Variants in LHFPL3 observed in about 807,000 individuals in gnomAD.
LHFPL3 encodes LHFPL tetraspan subfamily member 3 protein.
LHFPL3 carries 5 observed loss-of-function variants against 19.3 expected under a neutral mutation model. That is an observed-to-expected ratio of 0.26 (90% CI 0.14 to 0.54). The LOEUF is 0.54. Among genes scored for constraint, LHFPL3 ranks in the 20% least tolerant of loss-of-function variants. LHFPL3 has a pLI of 0.94. For synonymous variants in LHFPL3, 133 were observed against 126.2 expected (o/e 1.05, Z -0.36); for missense variants, 249 against 307.4 (o/e 0.81, Z 1.42).
intron 1 of LHFPL3, among the ~76,000 whole-genome samples, chr7:104,578,395 C>G (rs1034530535): frequency 1.3e-5 from 2 of 152,224 alleles, no homozygotes; most frequent in Admixed American, 6.5e-5. Flanking sequence ...TACATCCATA[C>G]TTCCCCTCTC....
At chr7:104,538,380 C>A (rs1295349877) in intron 1 of LHFPL3, among the ~76,000 whole-genome samples, 1 of 152,060 alleles carries the variant, frequency 6.6e-6, no homozygotes, top group Non-Finnish European at 1.5e-5. Context: ...AAGCTAGAGC[C>A]CAATATAGAA....
In LHFPL3 at chr7:104,854,674, A is replaced by C. The variant is rs574403452; in HGVS notation, c.683-51513A>C. On this transcript the variant is annotated intron_variant, in intron 2 of 2. Coordinates refer to ENST00000424859, the MANE Select transcript of LHFPL3 (RefSeq NM_199000.3). ...TTTATCACCTTCCGGTCTGAAGTCT[A>C]GCACCTCAAATGACAATTAATAAGC... 2.0e-4 allele frequency among the ~76,000 whole-genome samples: 30 copies of C among 152,366 alleles called. 3 individuals carry two copies. The highest frequency in any genetic ancestry group is 7.2e-4 in the African/African-American group (30 of 41,592).
chr7:104,824,434 A>C (rs1159010424), intron 2 of LHFPL3, among the ~76,000 whole-genome samples: 1 of 57,110 alleles, frequency 1.8e-5, no homozygotes, highest in African/African-American at 7.3e-5. Context: ...AATATATATA[A>C]TTATAGATAA....
At chr7:104,903,673 C>A (rs897058087) in intron 2 of LHFPL3, among the ~76,000 whole-genome samples, 1 of 152,100 alleles carries the variant, frequency 6.6e-6, no homozygotes, top group African/African-American at 2.4e-5. Flanking sequence ...GCCATATTGA[C>A]CAGGCTGGTC....
chr7:104,410,183 A>C (rs1460567497), intron 1 of LHFPL3, among the ~76,000 whole-genome samples: 1 of 152,106 alleles, frequency 6.6e-6, no homozygotes, highest in African/African-American at 2.4e-5. Flanking sequence ...CCCAGGCTGG[A>C]GTGCAATGGT....
chr7:104,755,667 G>T (rs967499659), intron 2 of LHFPL3, among the ~76,000 whole-genome samples: 1 of 151,700 alleles, frequency 6.6e-6, no homozygotes, highest in African/African-American at 2.4e-5. Context: ...TAGTTTTTTG[G>T]TGTTTGTTTG....
At chr7:104,604,134 G>A (rs1791041733) in intron 1 of LHFPL3, among the ~76,000 whole-genome samples, 1 of 152,176 alleles carries the variant, frequency 6.6e-6, no homozygotes, top group Non-Finnish European at 1.5e-5. Flanking sequence ...TTGAAATCTA[G>A]GTGGAGACCG....
At chr7:104,329,545 C>G (rs1801531605) in intron 1 of LHFPL3, among the ~76,000 whole-genome samples, 1 of 152,200 alleles carries the variant, frequency 6.6e-6, no homozygotes, top group African/African-American at 2.4e-5. Flanking sequence ...GAGAAGTGGC[C>G]GCTTAGAGAG....
Position 104,399,290 on chromosome 7 carries a change from T to C in LHFPL3, c.445+70066T>C, listed in dbSNP as rs1791261179. Among the ~76,000 whole-genome samples the C allele has an allele frequency of 6.6e-6, 1 of 152,108 alleles. No individual in the cohort carries two copies. Among genetic ancestry groups the C allele is most frequent in the Non-Finnish European group, 1.5e-5 (1 of 68,010 alleles). On this transcript the variant is annotated intron_variant, in intron 1 of 2. Transcript: ENST00000424859. The surrounding 1 kb of genome is among the most constrained non-coding windows in gnomAD (Gnocchi z 4.4). Reference sequence around the variant, plus strand: ...TAAGCATCTAGAATTACAATGAATATGGGTGTTTGGGGCAGTTTTACTTTC... The same window carrying C: ...TAAGCATCTAGAATTACAATGAATACGGGTGTTTGGGGCAGTTTTACTTTC...
Position 104,539,061 on chromosome 7 carries a change from C to A in LHFPL3, c.446-197614C>A, listed in dbSNP as rs536017392. 4.6e-5 allele frequency among the ~76,000 whole-genome samples: 7 copies of A among 152,278 alleles called. No homozygotes were observed. The East Asian group carries it at 7.7e-4, about 17-fold the overall frequency. ...CTCTACAAGCTAGGAGAGTAAAAAA[C>A]CAGATTTTCCCCTAGAGCCTCCAAA... On this transcript the variant is annotated intron_variant, in intron 1 of 2. Coordinates refer to ENST00000424859, the MANE Select transcript of LHFPL3 (RefSeq NM_199000.3).
intron 1 of LHFPL3, among the ~76,000 whole-genome samples, chr7:104,643,128 T>C: frequency 6.6e-6 from 1 of 152,242 alleles, no homozygotes; most frequent in East Asian, 1.9e-4. Flanking sequence ...CGGATAAAAT[T>C]GGATCCACCA....
chr7:104,549,938 C>G (rs1002001770), intron 1 of LHFPL3, among the ~76,000 whole-genome samples: 3 of 152,070 alleles, frequency 2.0e-5, no homozygotes, highest in African/African-American at 7.2e-5. Flanking sequence ...AGTCAGGGCT[C>G]TCTAGAGGAA....
intron 2 of LHFPL3, among the ~76,000 whole-genome samples, chr7:104,788,803 T>G (rs1230793954): frequency 6.6e-6 from 1 of 152,216 alleles, no homozygotes; most frequent in African/African-American, 2.4e-5. Context: ...ACTTCTTCAG[T>G]CTTTCTTTTC....
chr7:104,652,669 G>A (rs1384921523), intron 1 of LHFPL3, among the ~76,000 whole-genome samples: 1 of 152,178 alleles, frequency 6.6e-6, no homozygotes, highest in East Asian at 1.9e-4. Flanking sequence ...AGATTGAGGA[G>A]GAGGCTTGGA....
chr7:104,575,559 T>TAAAAAAAAAAAAA (rs58118006), intron 1 of LHFPL3, among the ~76,000 whole-genome samples: 40 of 36,148 alleles, frequency 1.1e-3, no homozygotes, highest in African/African-American at 1.9e-3. Flanking sequence ...CAAAGAGATC[T>TAAAAAAAAAAAAA]AAAAAAAAAA....
chr7:104,448,590 TGGAA>T (rs1319628867), intron 1 of LHFPL3, among the ~76,000 whole-genome samples: 1 of 152,230 alleles, frequency 6.6e-6, no homozygotes, highest in African/African-American at 2.4e-5. Flanking sequence ...ATGAGTATTT[TGGAA>T]CCTCTTTTTG....
chr7:104,537,852 T>C (rs533303106), intron 1 of LHFPL3, among the ~76,000 whole-genome samples: 17 of 152,314 alleles, frequency 1.1e-4, no homozygotes, highest in African/African-American at 3.8e-4. Flanking sequence ...AAATAACTTA[T>C]ATACAGTCCT....
chr7:104,855,464 T>C lies in LHFPL3; in HGVS notation c.683-50723T>C, dbSNP rs901876802. Reference sequence around the variant, plus strand: ...CTCTTGGATTTTGAATTATGTATAATGGTGTTGCAGAATATTTCTTCCTTT... The same window carrying C: ...CTCTTGGATTTTGAATTATGTATAACGGTGTTGCAGAATATTTCTTCCTTT... On this transcript the variant is annotated intron_variant, in intron 2 of 2. Coordinates refer to ENST00000424859, the MANE Select transcript of LHFPL3 (RefSeq NM_199000.3). Among the ~76,000 whole-genome samples the C allele has an allele frequency of 7.2e-5, 11 of 152,310 alleles. No individual in the cohort carries two copies. In the East Asian group the frequency reaches 1.3e-3, roughly 19 times the overall value.
intron 1 of LHFPL3, among the ~76,000 whole-genome samples, chr7:104,406,183 G>A (rs552502204): frequency 6.6e-6 from 1 of 152,282 alleles, no homozygotes; most frequent in South Asian, 2.1e-4. Context: ...ACAGCTTCCT[G>A]GTGAGCTGGG....
Sources: gnomAD v4.1 joint callset for allele counts (sites outside exome capture counted in the v4.1 genomes callset) on GRCh38, gnomAD v4.1.1 for gene constraint, Gnocchi (gnomAD v3.1) non-coding constraint, MANE v1.5 for transcripts, NCBI Gene and HGNC (gene_info 2026-07-23, HGNC 2026-07-21) for gene names.